MCF2L: variants seen among roughly 807,000 people sequenced by gnomAD.
MCF2L encodes the protein MCF.2 cell line derived transforming sequence like.
A neutral mutation model predicts 153.4 loss-of-function variants in MCF2L; 97 were observed. The observed-to-expected ratio is 0.63, with a 90% CI of 0.54 to 0.75. The LOEUF is 0.75. Ranked by LOEUF, MCF2L falls within the 30% of genes least tolerant of loss-of-function variation. The pLI, the probability that MCF2L is intolerant of heterozygous loss-of-function variation, is 0.00. For synonymous variants in MCF2L, 659 were observed against 632.2 expected, an observed-to-expected ratio of 1.04 and a Z score of -0.64; for missense variants, 1,347 against 1,495.2, an observed-to-expected ratio of 0.90 and a Z score of 1.64.
At chr13:113,020,030 G>A (rs1026938757) in intron 2 of MCF2L, among the ~76,000 whole-genome samples, 3 of 152,236 alleles carry the variant, frequency 2.0e-5, no homozygotes, top group African/African-American at 7.2e-5. Flanking sequence ...AACGAGTGGT[G>A]TTGACAAAGG....
At chr13:113,050,745 GGGGGGGTGC>G (rs2087233977) in intron 4 of MCF2L, among the ~76,000 whole-genome samples, 1 of 19,610 alleles carries the variant, frequency 5.1e-5, no homozygotes, top group Non-Finnish European at 1.0e-4. Context: ...CGGGGGGAGC[GGGGGGGTGC>G]GGGGGGCGGT....
chr13:113,020,277 G>A (rs1566746394), intron 2 of MCF2L, among the ~76,000 whole-genome samples: 2 of 152,204 alleles, frequency 1.3e-5, no homozygotes, highest in African/African-American at 4.8e-5. Context: ...TTGGGCCGAG[G>A]CATCACACAA....
chr13:113,086,659 A>G (rs1374774487), intron 21 of MCF2L, among the ~76,000 whole-genome samples: 1 of 151,986 alleles, frequency 6.6e-6, no homozygotes, highest in Non-Finnish European at 1.5e-5. Flanking sequence ...GGCAGATGTC[A>G]CTTTCCCCGT....
At chr13:113,081,076 T>C (rs494129) in intron 15 of MCF2L, 137 bp from the exon 16 acceptor site, 552,428 of 663,656 alleles carry the variant, frequency 0.83, 232,590 homozygotes, top group East Asian at 1. Context: ...GCGTCCAGCC[T>C]GTGGGCTTTG....
chr13:113,096,961 C>G lies in MCF2L; in HGVS notation c.*102C>G, dbSNP rs2480951. 1 allele frequency: 801,586 copies of G among 803,598 alleles called. 399,821 individuals carry two copies. The highest frequency in any genetic ancestry group is 1 in the East Asian group (26,342 of 26,342). The allele number at this position is 803,598 out of a possible 1,614,324, so 49.8% of individuals were successfully genotyped here. ...CGAGGAAGGGGCACCTCACCGCCCCCACCCAGAGCGCCTGGCCGTGCGGGC... is the reference window on the plus strand; with the variant it reads ...CGAGGAAGGGGCACCTCACCGCCCCGACCCAGAGCGCCTGGCCGTGCGGGC... On this transcript the variant is annotated 3_prime_UTR_variant, in exon 30 of 30. Coordinates refer to ENST00000535094, the MANE Select transcript of MCF2L (RefSeq NM_001112732.3).
intron 4 of MCF2L, among the ~76,000 whole-genome samples, chr13:113,050,745 G>A (rs1369330881): frequency 1.5e-4 from 3 of 19,612 alleles, no homozygotes; most frequent in African/African-American, 5.4e-4. Context: ...CGGGGGGAGC[G>A]GGGGGGTGCG....
intron 4 of MCF2L, among the ~76,000 whole-genome samples, chr13:113,057,535 T>G: frequency 7.3e-6 from 1 of 137,540 alleles, no homozygotes; most frequent in Non-Finnish European, 1.6e-5. Flanking sequence ...GTGCTGAGTG[T>G]TTAGTAGCTG....
intron 1 of MCF2L, among the ~76,000 whole-genome samples, chr13:112,896,576 G>A (rs1352493549): frequency 9.2e-5 from 14 of 152,006 alleles, no homozygotes; most frequent in East Asian, 5.8e-4. Context: ...GAACGCCACC[G>A]GTTGGCAGCC....
chr13:112,961,345 G>A (rs995146452), intron 2 of MCF2L, among the ~76,000 whole-genome samples: 1 of 152,252 alleles, frequency 6.6e-6, no homozygotes, highest in Non-Finnish European at 1.5e-5. Context: ...TTGTACTTGG[G>A]CAAGCATTTG....
At chr13:112,929,465 C>CCTTT (rs1332017558) in intron 2 of MCF2L, among the ~76,000 whole-genome samples, 2 of 152,206 alleles carry the variant, frequency 1.3e-5, no homozygotes, top group East Asian at 3.9e-4. Flanking sequence ...GGGAGCCTGC[C>CCTTT]CTTTCCGCCT....
chr13:113,064,791 A>C lies in MCF2L; in HGVS notation c.607-145A>C. 1 of 805,730 alleles carries C rather than the reference A, an allele frequency of 1.2e-6. No individual in the cohort carries two copies. Among genetic ancestry groups the C allele is most frequent in the Non-Finnish European group, 1.9e-6 (1 of 516,948 alleles). 49.9% of individuals were successfully genotyped at this position (805,730 alleles called of 1,614,324 possible). A position where few individuals can be genotyped will look rare whatever the true frequency, so the allele number is the denominator to read the frequency against. On this transcript the variant is annotated intron_variant, in intron 6 of 29. Coordinates refer to ENST00000535094, the MANE Select transcript of MCF2L (RefSeq NM_001112732.3). This position sits in a 1 kb window ranked among gnomAD's most constrained non-coding sequence, Gnocchi z 6.0. ...AAGAGGTCAAGGAGGGCAGGACGCT[A>C]TGGGAGGGCGTTCACCGTCTTTGCG...
chr13:112,995,276 C>T (rs72661962), intron 1 of MCF2L, among the ~76,000 whole-genome samples: 4,776 of 152,314 alleles, frequency 0.031, 97 homozygotes, highest in Middle Eastern at 0.051. Flanking sequence ...GGCTCGCTCT[C>T]GAGCCTGTCC....
At position 112,951,345 on chromosome 13, in the gene MCF2L, C is replaced by G. The variant is rs2081691177; in HGVS notation, c.169+48974C>G. ...ACTCTCATATGACCCAGCAATTGCA[C>G]TCCTGGGAATTTATCCCAGAGAAAT... On this transcript the variant is annotated intron_variant, in intron 2 of 29. Coordinates refer to the MCF2L transcript ENST00000375608. This position sits in a 1 kb window ranked among gnomAD's most constrained non-coding sequence, Gnocchi z 4.8. Among the ~76,000 whole-genome samples, 1 of 152,196 alleles carries G rather than the reference C, an allele frequency of 6.6e-6. No individual in the cohort carries two copies. Among genetic ancestry groups the G allele is most frequent in the African/African-American group, 2.4e-5 (1 of 41,446 alleles).
At position 113,084,033 on chromosome 13, in the gene MCF2L, G is replaced by T. The variant is rs979041110; in HGVS notation, c.2027G>T (p.Cys676Phe). 4.3e-6 allele frequency: 7 copies of T among 1,613,940 alleles called. No homozygotes were observed. The Admixed American group carries it at 1.2e-4, about 27-fold the overall frequency. ...FLRELENYTD[C>F]PELVGRCFLE... ...AGGGAGCTGGAAAACTACACTGACT[G>T]CCCAGAACTGGTTGGAAGATGCTTT... is the stretch of plus-strand genomic sequence containing the variant. Residue 676 changes from cysteine (C) to phenylalanine (F), a missense_variant, in exon 18 of 30, where the codon TGC (cysteine) becomes TTC (phenylalanine). By Grantham distance (205) the Cys-to-Phe change is radical. Coordinates refer to ENST00000535094, the MANE Select transcript of MCF2L (RefSeq NM_001112732.3).
At chr13:113,037,187 C>A (rs1425673838) in intron 3 of MCF2L, among the ~76,000 whole-genome samples, 1 of 152,186 alleles carries the variant, frequency 6.6e-6, no homozygotes. Flanking sequence ...CTGGCTGAAC[C>A]CTTGGCTTGC....
At chr13:112,963,163 G>A (rs78796064) in intron 2 of MCF2L, among the ~76,000 whole-genome samples, 55,982 of 152,042 alleles carry the variant, frequency 0.37, 10,497 homozygotes, top group Middle Eastern at 0.47. Context: ...GAAAGGGCCC[G>A]TGGCTCCCAC....
Position 113,096,865 on chromosome 13 carries a change from C to A in MCF2L, c.*6C>A. The A allele has an allele frequency of 7.0e-7, 1 of 1,421,622 alleles. No homozygotes were observed. The highest frequency in any genetic ancestry group is 9.1e-7 in the Non-Finnish European group (1 of 1,095,416). 88.1% of individuals were successfully genotyped at this position (1,421,622 alleles called of 1,614,324 possible). On this transcript the variant is annotated 3_prime_UTR_variant, in exon 30 of 30. Coordinates refer to ENST00000535094, the MANE Select transcript of MCF2L (RefSeq NM_001112732.3). ...TCTCCGACCTGCAGGGGTAGCGCGG[C>A]CTCGGCGCCGGAGACCCGCGCGCTG...
At chr13:113,082,030 G>A (rs995247908) in intron 16 of MCF2L, among the ~76,000 whole-genome samples, 5 of 151,796 alleles carry the variant, frequency 3.3e-5, no homozygotes, top group South Asian at 2.1e-4. Context: ...TGTAGACAGC[G>A]AGTGTGCACA....
At chr13:113,095,791 C>T (rs776582240) in intron 27 of MCF2L, 1 of 999,910 alleles carries the variant, frequency 1.0e-6, no homozygotes, top group African/African-American at 1.7e-5. Flanking sequence ...ACAGCTGCCG[C>T]TTCCTGGGTC....
Sources: allele counts gnomAD v4.1 joint callset (sites outside exome capture counted in the v4.1 genomes callset), GRCh38; gene constraint gnomAD v4.1.1; non-coding constraint Gnocchi (gnomAD v3.1); transcripts MANE v1.5; gene names NCBI Gene and HGNC (gene_info 2026-07-23, HGNC 2026-07-21).